Variants in LRP1B observed in about 807,000 individuals in gnomAD.
The protein encoded by LRP1B is LDL receptor related protein 1B, also known as low-density lipoprotein receptor-related protein 1B.
A neutral mutation model predicts 556.6 loss-of-function variants in LRP1B; 217 were observed. That is an observed-to-expected ratio of 0.39 (90% CI 0.35 to 0.44). The LOEUF is 0.44. Ranked by LOEUF, LRP1B falls within the 20% of genes least tolerant of loss-of-function variation. The probability of loss-of-function intolerance (pLI) is 1.00; values close to 1 mark genes in which losing one functional copy is unlikely to be tolerated. For synonymous variants in LRP1B, 2,047 were observed against 1,865.8 expected (o/e 1.10, Z -2.50); for missense variants, 5,053 against 5,620.8 (o/e 0.90, Z 3.23).
In LRP1B at chr2:140,868,279, A is replaced by G. The variant is rs1284943211; in HGVS notation, c.4170-16T>C. 1.9e-6 allele frequency: 3 copies of G among 1,556,774 alleles called. No individual in the cohort carries two copies. The highest frequency in any genetic ancestry group is 1.4e-5 in the African/African-American group (1 of 70,940). On this transcript the variant is annotated splice_polypyrimidine_tract_variant and intron_variant, in intron 25 of 90. Transcript: ENST00000389484. ...GAAAAGAATTCTAAAAAAAAAAAAA[A>G]AAAAAGAAATAATACTATTGTTTCA...
intron 3 of LRP1B, among the ~76,000 whole-genome samples, chr2:141,257,745 G>A (rs947123499): frequency 2.0e-5 from 3 of 152,122 alleles, no homozygotes; most frequent in Non-Finnish European, 2.9e-5. Flanking sequence ...TAGGTGAAAT[G>A]GTAAATATTG....
chr2:142,069,607 T>C (rs745677779), intron 1 of LRP1B, among the ~76,000 whole-genome samples: 11 of 151,746 alleles, frequency 7.2e-5, no homozygotes, highest in Non-Finnish European at 1.5e-4. Context: ...TGCAAATTCA[T>C]GTTCATAAAC....
chr2:142,119,304 A>G (rs1302308340), intron 1 of LRP1B, among the ~76,000 whole-genome samples: 1 of 152,178 alleles, frequency 6.6e-6, no homozygotes, highest in Non-Finnish European at 1.5e-5. Flanking sequence ...GAAGTAAAGT[A>G]TATTCTTCCA....
intron 7 of LRP1B, among the ~76,000 whole-genome samples, chr2:141,108,334 CTTTTTTTTTTTTTTT>C (rs60275697): frequency 0.022 from 1,936 of 88,598 alleles, 86 homozygotes; most frequent in African/African-American, 0.087. Context: ...TAATCTGTTT[CTTTTTTTTTTTTTTT>C]TTTTTTTTTT....
chr2:141,777,740 C>T (rs531757874), intron 2 of LRP1B, among the ~76,000 whole-genome samples: 3 of 152,206 alleles, frequency 2.0e-5, no homozygotes, highest in African/African-American at 7.2e-5. Flanking sequence ...AACAGGTAAG[C>T]ATGAGTTCTG....
intron 23 of LRP1B, among the ~76,000 whole-genome samples, chr2:140,900,172 G>C (rs1010810206): frequency 6.6e-6 from 1 of 152,032 alleles, no homozygotes; most frequent in Non-Finnish European, 1.5e-5. Context: ...CTCTGTCCCT[G>C]GTCACCTGTA....
At chr2:140,992,345 T>G (rs1054677755) in intron 16 of LRP1B, among the ~76,000 whole-genome samples, 1 of 152,096 alleles carries the variant, frequency 6.6e-6, no homozygotes, top group African/African-American at 2.4e-5. Flanking sequence ...GCAGTACAAA[T>G]GCAATGCTTC....
intron 7 of LRP1B, among the ~76,000 whole-genome samples, chr2:141,159,516 A>G (rs1376080955): frequency 1.3e-5 from 2 of 152,108 alleles, no homozygotes; most frequent in Non-Finnish European, 2.9e-5. Context: ...ACAGGTGCAC[A>G]CAACTGCACC....
chr2:142,020,385 T>C (rs2105174922), intron 1 of LRP1B, among the ~76,000 whole-genome samples: 1 of 152,296 alleles, frequency 6.6e-6, no homozygotes, highest in South Asian at 2.1e-4. Context: ...TCAGAGCATT[T>C]GATGTAGGAC....
At chr2:141,632,294 A>C in intron 2 of LRP1B, among the ~76,000 whole-genome samples, 1 of 152,172 alleles carries the variant, frequency 6.6e-6, no homozygotes, top group East Asian at 1.9e-4. Flanking sequence ...TAAAACTCTT[A>C]ATATTAGCAA....
intron 41 of LRP1B, among the ~76,000 whole-genome samples, chr2:140,640,545 G>C (rs562554240): frequency 6.7e-6 from 1 of 150,018 alleles, no homozygotes; most frequent in African/African-American, 2.5e-5. Flanking sequence ...ACAGGCGCCC[G>C]CCACCATGCC....
chr2:140,891,827 T>G (rs2105203000), intron 23 of LRP1B, among the ~76,000 whole-genome samples: 1 of 152,324 alleles, frequency 6.6e-6, no homozygotes, highest in South Asian at 2.1e-4. Context: ...TCTTGACATT[T>G]TTTTAAGAAC....
intron 2 of LRP1B, among the ~76,000 whole-genome samples, chr2:141,774,552 T>A (rs139870604): frequency 6.6e-6 from 1 of 152,224 alleles, no homozygotes; most frequent in East Asian, 1.9e-4. Flanking sequence ...CATTACAACA[T>A]GAGATTTGAA....
chr2:141,461,533 T>C (rs1410370313), intron 3 of LRP1B, among the ~76,000 whole-genome samples: 19 of 152,186 alleles, frequency 1.2e-4, no homozygotes, highest in Admixed American at 1.2e-3. Flanking sequence ...GTGGTATCTA[T>C]ACAATAATGA....
At chr2:141,477,232 T>C (rs1682746426) in intron 3 of LRP1B, among the ~76,000 whole-genome samples, 1 of 150,974 alleles carries the variant, frequency 6.6e-6, no homozygotes, top group South Asian at 2.1e-4. Context: ...TAAATTATAG[T>C]CTATGCTTAG....
chr2:142,072,281 T>G (rs1291038464), intron 1 of LRP1B, among the ~76,000 whole-genome samples: 1 of 152,026 alleles, frequency 6.6e-6, no homozygotes, highest in African/African-American at 2.4e-5. Flanking sequence ...TTCTTACCTT[T>G]GCTCATAATG....
intron 41 of LRP1B, among the ~76,000 whole-genome samples, chr2:140,655,653 A>T (rs1344558217): frequency 1.3e-5 from 2 of 152,228 alleles, no homozygotes; most frequent in Non-Finnish European, 2.9e-5. Flanking sequence ...CTTAATTAAA[A>T]GAATAGGCGC....
intron 1 of LRP1B, among the ~76,000 whole-genome samples, chr2:142,065,088 G>C (rs1004842949): frequency 6.6e-6 from 1 of 151,472 alleles, no homozygotes; most frequent in Non-Finnish European, 1.5e-5. Context: ...CCATGTCTGT[G>C]GTAGAGTTTC....
intron 2 of LRP1B, among the ~76,000 whole-genome samples, chr2:141,651,505 A>C (rs1689791369): frequency 6.6e-6 from 1 of 152,110 alleles, no homozygotes; most frequent in Admixed American, 6.6e-5. Context: ...CTCTACTAAA[A>C]ATACAAAAAT....
Sources: gnomAD v4.1 joint callset for allele counts (sites outside exome capture counted in the v4.1 genomes callset) on GRCh38, gnomAD v4.1.1 for gene constraint, MANE v1.5 for transcripts, NCBI Gene and HGNC (gene_info 2026-07-23, HGNC 2026-07-21) for gene names.